TAF4: variants seen among roughly 807,000 people sequenced by gnomAD.
TAF4 encodes the protein transcription initiation factor TFIID subunit 4.
A neutral mutation model predicts 90.3 loss-of-function variants in TAF4; 9 were observed. The observed-to-expected ratio is 0.10, with a 90% CI of 0.06 to 0.17. The LOEUF (loss-of-function observed/expected upper bound fraction) is 0.17, where lower values mean the gene tolerates loss of function less well. TAF4 is among the 10% of genes least tolerant of loss of function. The pLI is 1.00. For missense variants in TAF4, 1,351 were observed against 1,370.7 expected (o/e 0.99, Z 0.23); for synonymous variants, 818 against 638.9 (o/e 1.28, Z -4.23).
chr20:62,034,649 A>C (rs1165199637), intron 1 of TAF4, among the ~76,000 whole-genome samples: 1 of 152,138 alleles, frequency 6.6e-6, no homozygotes, highest in African/African-American at 2.4e-5. Flanking sequence ...GTTTAAAAAA[A>C]ATACTTAAAA....
chr20:62,013,906 G>GGTGTGTGGGT (rs2055794565), intron 2 of TAF4, among the ~76,000 whole-genome samples: 1 of 107,348 alleles, frequency 9.3e-6, no homozygotes, highest in Admixed American at 9.8e-5. Context: ...GGCTGACGCG[G>GGTGTGTGGGT]GTGTGTGTGT....
At chr20:62,035,434 G>C (rs1004563529) in intron 1 of TAF4, among the ~76,000 whole-genome samples, 4 of 152,176 alleles carry the variant, frequency 2.6e-5, no homozygotes, top group Non-Finnish European at 4.4e-5. Context: ...AAATGTTACA[G>C]ACGGGCCATG....
chr20:62,062,603 A>C (rs528296540), intron 1 of TAF4, among the ~76,000 whole-genome samples: 1 of 152,300 alleles, frequency 6.6e-6, no homozygotes, highest in East Asian at 1.9e-4. Context: ...CACACACAGG[A>C]ATCACGCACA....
intron 1 of TAF4, among the ~76,000 whole-genome samples, chr20:62,051,069 G>A (rs1013342574): frequency 6.6e-6 from 1 of 152,218 alleles, no homozygotes; most frequent in Non-Finnish European, 1.5e-5. Context: ...TTCAGAAAGG[G>A]AGGAAATCAC....
intron 1 of TAF4, among the ~76,000 whole-genome samples, chr20:62,026,775 C>A (rs1307093262): frequency 1.3e-5 from 2 of 152,188 alleles, no homozygotes; most frequent in Admixed American, 1.3e-4. Flanking sequence ...GCTGCCGCCC[C>A]GTGAGTGGAG....
At chr20:61,979,445 G>A (rs1406483829) in intron 14 of TAF4, 1 of 152,026 alleles carries the variant, frequency 6.6e-6, no homozygotes, top group Non-Finnish European at 1.5e-5. Context: ...ACTCCAGAGG[G>A]ACTGCGGCCC....
In TAF4 at chr20:62,003,786, G is replaced by A; in HGVS notation, c.2316C>T (p.His772=). ...GAGGCGTGGTGAGCATGATCCGGTTGTGAGGCTGCCGCAGGGCGACCATGG... is the reference window on the plus strand; with the variant it reads ...GAGGCGTGGTGAGCATGATCCGGTTATGAGGCTGCCGCAGGGCGACCATGG... ...QTPMVALRQP[H]NRIMLTTPQQ... is the part of the protein sequence containing the mutation. Residue 772 remains histidine (H), a synonymous_variant, in exon 8 of 15, where the codon CAC becomes CAT. Transcript: ENST00000252996. The A allele has an allele frequency of 6.2e-7, 1 of 1,609,426 alleles. No individual in the cohort carries two copies. Among genetic ancestry groups the A allele is most frequent in the African/African-American group, 1.3e-5 (1 of 74,992 alleles).
intron 14 of TAF4, chr20:61,981,349 AAT>A (rs1568920267): frequency 1.3e-5 from 2 of 152,344 alleles, no homozygotes; most frequent in South Asian, 4.1e-4. Flanking sequence ...CAACACTCTC[AAT>A]ACAGGAAAAT....
chr20:62,045,840 G>A (rs2055990290), intron 1 of TAF4, among the ~76,000 whole-genome samples: 1 of 152,176 alleles, frequency 6.6e-6, no homozygotes, highest in Non-Finnish European at 1.5e-5. Context: ...TGACGCTCGG[G>A]GTACAGACAG....
At chr20:62,057,618 G>A (rs988276483) in intron 1 of TAF4, among the ~76,000 whole-genome samples, 2 of 148,002 alleles carry the variant, frequency 1.4e-5, no homozygotes, top group African/African-American at 4.9e-5. Flanking sequence ...AAGACCTCAG[G>A]AAGGACGGAC....
Position 62,064,720 on chromosome 20 carries a change from C to G in TAF4, c.1091G>C (p.Ser364Thr). 1 of 1,229,772 alleles carries G rather than the reference C, an allele frequency of 8.1e-7. No homozygotes were observed. Among genetic ancestry groups the G allele is most frequent in the South Asian group, 3.1e-5 (1 of 32,782 alleles). 76.2% of individuals were successfully genotyped at this position (1,229,772 alleles called of 1,614,324 possible). A position where few individuals can be genotyped will look rare whatever the true frequency, so the allele number is the denominator to read the frequency against. Residue 364 changes from serine to threonine, a missense_variant, in exon 1 of 15, where the codon AGC becomes ACC. Ser to Thr is a moderately conservative substitution (Grantham distance 58). Transcript: ENST00000252996. ...APPAAQTLAA[S>T]GPASTAASMV... ...GCTGGCCGCCGTGCTGGCCGGGCCGCTGGCCGCCAGGGTCTGCGCCGCCGG... is the reference window on the plus strand; with the variant it reads ...GCTGGCCGCCGTGCTGGCCGGGCCGGTGGCCGCCAGGGTCTGCGCCGCCGG...
chr20:62,000,000 G>T, intron 11 of TAF4, 124 bp downstream of exon 11: 1 of 1,196,376 alleles, frequency 8.4e-7, no homozygotes, highest in Non-Finnish European at 1.2e-6. Context: ...AAACACGTTC[G>T]TAAGGAACAT....
At chr20:62,049,884 C>T (rs1345089866) in intron 1 of TAF4, among the ~76,000 whole-genome samples, 2 of 152,090 alleles carry the variant, frequency 1.3e-5, no homozygotes, top group Non-Finnish European at 2.9e-5. Context: ...AAACACGGTG[C>T]CAGAGACGAC....
chr20:62,012,644 T>G, intron 3 of TAF4, 171 bp downstream of exon 3: 2 of 869,526 alleles, frequency 2.3e-6, no homozygotes, highest in Non-Finnish European at 3.3e-6. Context: ...ACTTATCCCA[T>G]GTTGGTGGTC....
In TAF4 at chr20:62,010,566, C is replaced by T. The variant is rs1309549315; in HGVS notation, c.1642-401G>A. On this transcript the variant is annotated intron_variant, in intron 3 of 14. Transcript: ENST00000252996. This position sits in a 1 kb window ranked among gnomAD's most constrained non-coding sequence, Gnocchi z 4.5. ...CAAACAGAAGAACGGCTCCTGAAAG[C>T]TCCATCCTCCCAGGTGCAGAGGCTG... Among the ~76,000 whole-genome samples, 2 of 152,264 alleles carry T rather than the reference C, an allele frequency of 1.3e-5. No individual in the cohort carries two copies. Among genetic ancestry groups the T allele is most frequent in the East Asian group, 3.9e-4 (2 of 5,142 alleles).
intron 1 of TAF4, among the ~76,000 whole-genome samples, chr20:62,020,390 C>A (rs1216431111): frequency 6.6e-6 from 1 of 152,280 alleles, no homozygotes; most frequent in Admixed American, 6.5e-5. Context: ...TGAACAGTCG[C>A]CCCTGCCAGC....
Position 62,064,844 on chromosome 20 carries a change from C to T in TAF4, c.967G>A (p.Ala323Thr). The T allele has an allele frequency of 1.0e-6, 1 of 955,890 alleles. No individual in the cohort carries two copies. 59.2% of individuals were successfully genotyped at this position (955,890 alleles called of 1,614,324 possible). A position where few individuals can be genotyped will look rare whatever the true frequency, so the allele number is the denominator to read the frequency against. Residue 323 changes from alanine (A) to threonine (T), a missense_variant, in exon 1 of 15, where the codon GCG (alanine) becomes ACG (threonine). Around this residue, in one of 9 missense-constraint regions of TAF4, gnomAD observed 782 missense variants for 536.6 expected, o/e 1.46. Coordinates refer to ENST00000252996, the MANE Select transcript of TAF4 (RefSeq NM_003185.4). ...PAPAPAAGGP[A>T]GVSGQPGPGA... ...GGCCCGGGTTGGCCGCTGACCCCCGCGGGGCCCCCGGCGGCCGGGGCGGGG... is the reference window on the plus strand; with the variant it reads ...GGCCCGGGTTGGCCGCTGACCCCCGTGGGGCCCCCGGCGGCCGGGGCGGGG...
intron 9 of TAF4, 52 bp from the exon 10 acceptor site, chr20:62,000,773 G>T (rs1026985101): frequency 1.3e-6 from 2 of 1,597,550 alleles, no homozygotes; most frequent in Non-Finnish European, 1.7e-6. Flanking sequence ...TTCATCGGGA[G>T]GTGGGCTGGG....
chr20:62,034,033 C>T (rs1375985195), intron 1 of TAF4, among the ~76,000 whole-genome samples: 1 of 150,628 alleles, frequency 6.6e-6, no homozygotes, highest in Non-Finnish European at 1.5e-5. Flanking sequence ...CAGAGCAAGA[C>T]TCTGTCTCCA....
Sources: allele counts gnomAD v4.1 joint callset (sites outside exome capture counted in the v4.1 genomes callset), GRCh38; gene constraint gnomAD v4.1.1; regional missense constraint gnomAD v4.1.1; non-coding constraint Gnocchi (gnomAD v3.1); transcripts MANE v1.5; gene names NCBI Gene and HGNC (gene_info 2026-07-23, HGNC 2026-07-21).